ARHGEF3: variants seen among roughly 807,000 people sequenced by gnomAD.
The protein encoded by ARHGEF3 is Rho guanine nucleotide exchange factor 3, also known as 59.8 kDA protein.
ARHGEF3 carries 28 observed loss-of-function variants against 63.2 expected under a neutral mutation model. The observed-to-expected ratio is 0.44, with a 90% CI of 0.33 to 0.61. The LOEUF is 0.61. ARHGEF3 is among the 20% of genes least tolerant of loss of function. ARHGEF3 has a pLI of 0.03. For synonymous variants in ARHGEF3, 266 were observed against 254.2 expected (o/e 1.05, Z -0.44); for missense variants, 533 against 659.3 (o/e 0.81, Z 2.10).
At chr3:56,737,864 G>C (rs1194549380) in intron 7 of ARHGEF3, among the ~76,000 whole-genome samples, 2 of 152,062 alleles carry the variant, frequency 1.3e-5, no homozygotes, top group African/African-American at 4.8e-5. Context: ...TGAACAAATG[G>C]TTTGAATATC....
intron 3 of ARHGEF3, among the ~76,000 whole-genome samples, chr3:56,905,188 A>T (rs894348188): frequency 6.6e-6 from 1 of 152,192 alleles, no homozygotes; most frequent in African/African-American, 2.4e-5. Flanking sequence ...TCATTTTTTG[A>T]ATAGGTAATA....
rs1364048166 is a variant in ARHGEF3, at chr3:56,741,750, G to A, written c.870+3455C>T. On this transcript the variant is annotated intron_variant, in intron 7 of 9. Coordinates refer to ENST00000296315, the MANE Select transcript of ARHGEF3 (RefSeq NM_019555.3). Reference sequence around the variant, plus strand: ...GATCTCCTGACCTCTTGATCTGCCCGCCTTGGCCTCCCAAGGTGCTGGGAT... The same window carrying A: ...GATCTCCTGACCTCTTGATCTGCCCACCTTGGCCTCCCAAGGTGCTGGGAT... 2.0e-5 allele frequency among the ~76,000 whole-genome samples: 3 copies of A among 152,054 alleles called. No homozygotes were observed. In the East Asian group the frequency reaches 5.8e-4, roughly 29 times the overall value.
intron 3 of ARHGEF3, among the ~76,000 whole-genome samples, chr3:56,948,884 A>G (rs867683569): frequency 2.6e-5 from 4 of 152,156 alleles, no homozygotes; most frequent in African/African-American, 9.7e-5. Flanking sequence ...CCTCAATAAA[A>G]TACTGGCAAA....
intron 1 of ARHGEF3, among the ~76,000 whole-genome samples, chr3:56,791,900 G>A (rs1245443608): frequency 6.6e-6 from 1 of 151,670 alleles, no homozygotes; most frequent in African/African-American, 2.4e-5. Context: ...GCCTTGTCCA[G>A]CTCCCTCAGC....
chr3:56,860,215 T>C (rs974547166), intron 4 of ARHGEF3, among the ~76,000 whole-genome samples: 8 of 152,202 alleles, frequency 5.3e-5, no homozygotes, highest in African/African-American at 1.4e-4. Flanking sequence ...TCTCACTCTG[T>C]CACCCAGGAT....
chr3:57,001,884 C>G (rs558016572), intron 2 of ARHGEF3, among the ~76,000 whole-genome samples: 6 of 149,478 alleles, frequency 4.0e-5, no homozygotes, highest in Non-Finnish European at 7.4e-5. Context: ...TTTGTAGTCT[C>G]GTCTTAAATC....
intron 2 of ARHGEF3, among the ~76,000 whole-genome samples, chr3:57,011,974 G>C (rs980588929): frequency 2.6e-5 from 4 of 152,112 alleles, no homozygotes; most frequent in Non-Finnish European, 4.4e-5. Flanking sequence ...CCTGGGTCCT[G>C]GGTGGTCCTT....
At chr3:56,907,920 G>A (rs1281567497) in intron 3 of ARHGEF3, among the ~76,000 whole-genome samples, 2 of 152,132 alleles carry the variant, frequency 1.3e-5, no homozygotes, top group African/African-American at 4.8e-5. Context: ...AATGGGTACT[G>A]GGCTTAATCC....
intron 3 of ARHGEF3, among the ~76,000 whole-genome samples, chr3:56,954,105 C>G (rs1333169893): frequency 6.6e-6 from 1 of 152,118 alleles, no homozygotes; most frequent in African/African-American, 2.4e-5. Flanking sequence ...AAAGTAAAGA[C>G]CAGGCACTGG....
intron 1 of ARHGEF3, among the ~76,000 whole-genome samples, chr3:57,046,727 C>T (rs543382451): frequency 3.3e-5 from 5 of 152,180 alleles, no homozygotes; most frequent in Non-Finnish European, 5.9e-5. Flanking sequence ...ACACACACCT[C>T]TAACCCCCAG....
chr3:56,763,735 GATTTT>G (rs935647161), intron 2 of ARHGEF3, among the ~76,000 whole-genome samples: 2 of 151,728 alleles, frequency 1.3e-5, no homozygotes, highest in Non-Finnish European at 2.9e-5. Context: ...TTAATTTTTT[GATTTT>G]ATTTTATTTT....
chr3:56,889,974 A>T (rs2041061374), intron 3 of ARHGEF3, among the ~76,000 whole-genome samples: 1 of 151,796 alleles, frequency 6.6e-6, no homozygotes, highest in Non-Finnish European at 1.5e-5. Context: ...AGGCAGGAGA[A>T]TCGCTGGAAC....
intron 6 of ARHGEF3, among the ~76,000 whole-genome samples, chr3:56,748,549 ATTTTTTT>A (rs71072193): frequency 1.5e-5 from 2 of 136,686 alleles, no homozygotes; most frequent in East Asian, 2.1e-4. Flanking sequence ...GAAAAAATCT[ATTTTTTT>A]TTTTTTTTTT....
chr3:57,067,036 A>G (rs1047725909), intron 1 of ARHGEF3, among the ~76,000 whole-genome samples: 2 of 152,224 alleles, frequency 1.3e-5, no homozygotes, highest in African/African-American at 4.8e-5. Context: ...CACACCCAAA[A>G]TAAGTGATTT....
intron 1 of ARHGEF3, among the ~76,000 whole-genome samples, chr3:57,078,264 C>T (rs963052944): frequency 1.3e-5 from 2 of 152,166 alleles, no homozygotes; most frequent in African/African-American, 4.8e-5. Flanking sequence ...AGTGGTTATA[C>T]CTGGGTAGTG....
At chr3:56,916,341 T>G (rs1351221903) in intron 3 of ARHGEF3, 1 of 1,535,316 alleles carries the variant, frequency 6.5e-7, no homozygotes, top group African/African-American at 1.4e-5. Flanking sequence ...CACCACACCA[T>G]GGGGCGCTCT....
intron 3 of ARHGEF3, among the ~76,000 whole-genome samples, chr3:56,925,230 C>T (rs1356252134): frequency 6.6e-6 from 1 of 152,222 alleles, no homozygotes; most frequent in Non-Finnish European, 1.5e-5. Context: ...TGGTGCAAGC[C>T]ATGGCGTCTA....
intron 1 of ARHGEF3, among the ~76,000 whole-genome samples, chr3:56,800,681 G>A (rs1336768902): frequency 2.0e-5 from 3 of 152,210 alleles, no homozygotes; most frequent in Non-Finnish European, 4.4e-5. Context: ...CTGTGACAAG[G>A]CCGGATGCAC....
chr3:57,035,976 T>A (rs922998685), intron 1 of ARHGEF3, among the ~76,000 whole-genome samples: 4 of 152,218 alleles, frequency 2.6e-5, no homozygotes, highest in Non-Finnish European at 5.9e-5. Flanking sequence ...TTGTGAACTG[T>A]CATCCCAGCT....
Sources: allele counts gnomAD v4.1 joint callset (sites outside exome capture counted in the v4.1 genomes callset), GRCh38; gene constraint gnomAD v4.1.1; transcripts MANE v1.5; gene names NCBI Gene and HGNC (gene_info 2026-07-23, HGNC 2026-07-21).